Variants in CDH8 observed in about 807,000 individuals in gnomAD.
The protein encoded by CDH8 is cadherin 8, also known as cadherin-8.
In CDH8, 17 loss-of-function variants were observed where a neutral mutation model predicts 68.1. The observed-to-expected ratio is 0.25, with a 90% confidence interval of 0.17 to 0.37. CDH8 has a LOEUF of 0.37. Ranked by LOEUF, CDH8 falls within the 10% of genes least tolerant of loss-of-function variation. The pLI is 1.00. For synonymous variants in CDH8, 372 were observed against 365.1 expected (o/e 1.02, Z -0.21); for missense variants, 763 against 999.3 (o/e 0.76, Z 3.19).
intron 1 of CDH8, among the ~76,000 whole-genome samples, chr16:62,025,857 C>T (rs1332849861): frequency 6.7e-6 from 1 of 149,574 alleles, no homozygotes; most frequent in Non-Finnish European, 1.5e-5. Flanking sequence ...CATATAGATT[C>T]ATATCTATTC....
intron 10 of CDH8, among the ~76,000 whole-genome samples, chr16:61,710,469 T>C (rs553311859): frequency 7.2e-5 from 11 of 152,016 alleles, no homozygotes; most frequent in Non-Finnish European, 1.3e-4. Flanking sequence ...GCATTTAAAG[T>C]AAGCTTCTTA....
chr16:61,960,917 G>C (rs1259294842), intron 2 of CDH8, among the ~76,000 whole-genome samples: 1 of 152,164 alleles, frequency 6.6e-6, no homozygotes, highest in Non-Finnish European at 1.5e-5. Context: ...AGTTATGAAA[G>C]TTCTATGAAA....
rs559162250 is a variant in CDH8 at position 61,767,836 on chromosome 16, G to A, written c.1414+21510C>T. Among the ~76,000 whole-genome samples, 2 of 151,916 alleles carry A rather than the reference G, an allele frequency of 1.3e-5. 1 individual carries two copies. The highest frequency in any genetic ancestry group is 4.1e-4 in the South Asian group (2 of 4,836). ...ATAAAAAATAATATGTCTGCCAAAAGCTTTGGAGTGTGGCATATCGGTAAG... is the reference window on the plus strand; with the variant it reads ...ATAAAAAATAATATGTCTGCCAAAAACTTTGGAGTGTGGCATATCGGTAAG... On this transcript the variant is annotated intron_variant, in intron 8 of 11. Transcript: ENST00000577390.
At chr16:61,733,689 T>C (rs1323589041) in intron 8 of CDH8, among the ~76,000 whole-genome samples, 5 of 152,056 alleles carry the variant, frequency 3.3e-5, no homozygotes, top group African/African-American at 1.2e-4. Flanking sequence ...ACCCTTCCTG[T>C]CACTTTCAGA....
At chr16:61,975,053 C>A (rs1329947956) in intron 2 of CDH8, among the ~76,000 whole-genome samples, 1 of 151,980 alleles carries the variant, frequency 6.6e-6, no homozygotes, top group South Asian at 2.1e-4. Flanking sequence ...ATGTGTATGA[C>A]CTGAAAATAA....
rs1221669758 is a variant in CDH8, at chr16:61,840,769, AG to A, written c.668-15591del. 1.4e-4 allele frequency among the ~76,000 whole-genome samples: 21 copies of A among 152,134 alleles called. No homozygotes were observed. In the East Asian group the frequency reaches 3.5e-3, roughly 25 times the overall value. Reference sequence around the variant, plus strand: ...GAAACAACACATATTGGGGTCTTTCAGGGGTCAGAGGGAGGGAGAGCATCAG... The same window carrying A: ...GAAACAACACATATTGGGGTCTTTCAGGGTCAGAGGGAGGGAGAGCATCAG... On this transcript the variant is annotated intron_variant, in intron 4 of 11. Coordinates refer to ENST00000577390, the MANE Select transcript of CDH8 (RefSeq NM_001796.5).
At chr16:61,662,035 T>C (rs1447821703) in intron 10 of CDH8, among the ~76,000 whole-genome samples, 1 of 150,608 alleles carries the variant, frequency 6.6e-6, no homozygotes. Flanking sequence ...GAAGATTTTT[T>C]AATTGTCTGT....
chr16:62,015,856 C>T (rs1901926537), intron 2 of CDH8, among the ~76,000 whole-genome samples: 1 of 152,130 alleles, frequency 6.6e-6, no homozygotes, highest in South Asian at 2.1e-4. Flanking sequence ...AAAGGGCTCT[C>T]ACCAGAACCA....
At chr16:61,909,418 C>G (rs1896762657) in intron 2 of CDH8, among the ~76,000 whole-genome samples, 1 of 152,186 alleles carries the variant, frequency 6.6e-6, no homozygotes, top group African/African-American at 2.4e-5. Context: ...CAGCATGGTA[C>G]TTGGCACATA....
intron 9 of CDH8, among the ~76,000 whole-genome samples, chr16:61,715,993 T>C (rs1174581480): frequency 1.3e-5 from 2 of 151,650 alleles, no homozygotes; most frequent in South Asian, 4.1e-4. Flanking sequence ...TGTGAGCAAA[T>C]GTAGCAGCTC....
At chr16:61,666,031 G>C (rs1406841926) in intron 10 of CDH8, among the ~76,000 whole-genome samples, 1 of 151,900 alleles carries the variant, frequency 6.6e-6, no homozygotes, top group Non-Finnish European at 1.5e-5. Flanking sequence ...GTTCTCAGTA[G>C]CATGATGAAA....
At chr16:61,858,551 C>T (rs1054336289) in intron 3 of CDH8, among the ~76,000 whole-genome samples, 9 of 152,238 alleles carry the variant, frequency 5.9e-5, no homozygotes, top group Admixed American at 2.0e-4. Context: ...AATTATCTGA[C>T]GATTTAATGA....
intron 3 of CDH8, among the ~76,000 whole-genome samples, chr16:61,898,927 C>A (rs912568280): frequency 6.6e-6 from 1 of 151,302 alleles, no homozygotes; most frequent in Non-Finnish European, 1.5e-5. Context: ...TTTTTCTACC[C>A]AAAAGTGACT....
chr16:61,739,744 G>A (rs1467181401), intron 8 of CDH8, among the ~76,000 whole-genome samples: 1 of 146,260 alleles, frequency 6.8e-6, no homozygotes, highest in Admixed American at 6.8e-5. Context: ...AAAAAGAAAA[G>A]AAAAGAAAAG....
At chr16:61,720,201 T>G (rs1197088243) in intron 9 of CDH8, among the ~76,000 whole-genome samples, 2 of 150,966 alleles carry the variant, frequency 1.3e-5, no homozygotes, top group African/African-American at 4.8e-5. Context: ...TACCATTAGC[T>G]TCTCTGTCTT....
chr16:61,830,784 T>A (rs1452346921), intron 4 of CDH8, among the ~76,000 whole-genome samples: 1 of 151,832 alleles, frequency 6.6e-6, no homozygotes, highest in African/African-American at 2.4e-5. Context: ...TTAGTAAAAT[T>A]CTTGATGTGA....
At chr16:61,734,732 G>C (rs533229194) in intron 8 of CDH8, among the ~76,000 whole-genome samples, 1 of 151,908 alleles carries the variant, frequency 6.6e-6, no homozygotes, top group Admixed American at 6.6e-5. Context: ...TATCTATCCA[G>C]TAAATGTGAG....
intron 10 of CDH8, among the ~76,000 whole-genome samples, chr16:61,706,996 A>G (rs1964547516): frequency 6.6e-6 from 1 of 152,170 alleles, no homozygotes. Flanking sequence ...TTATGTTCAA[A>G]TAACTACTTA....
chr16:61,653,055 G>A lies in CDH8; in HGVS notation c.*553C>T. On this transcript the variant is annotated 3_prime_UTR_variant, in exon 12 of 12. Coordinates refer to ENST00000577390, the MANE Select transcript of CDH8 (RefSeq NM_001796.5). ...TCTAGTGAGTGGGGCCAACAATTAT[G>A]TACAATGTGTGGTCACCGTACTGTA... 7.3e-7 allele frequency: 1 copy of A among 1,377,744 alleles called. No homozygotes were observed. Among genetic ancestry groups the A allele is most frequent in the Non-Finnish European group, 9.4e-7 (1 of 1,067,276 alleles). 85.3% of individuals were successfully genotyped at this position (1,377,744 alleles called of 1,614,324 possible).
Sources: allele counts gnomAD v4.1 joint callset (sites outside exome capture counted in the v4.1 genomes callset), GRCh38; gene constraint gnomAD v4.1.1; transcripts MANE v1.5; gene names NCBI Gene and HGNC (gene_info 2026-07-23, HGNC 2026-07-21).